Variants in KALRN observed in about 807,000 individuals in gnomAD.
The protein encoded by KALRN is kalirin RhoGEF kinase.
Under a neutral mutation model 353.7 loss-of-function variants are expected in KALRN, and 70 were observed. That is an observed-to-expected ratio of 0.20 (90% CI 0.16 to 0.24). KALRN has a LOEUF of 0.24. Ranked by LOEUF, KALRN falls within the 10% of genes least tolerant of loss-of-function variation. The pLI, the probability that KALRN is intolerant of heterozygous loss-of-function variation, is 1.00. For synonymous variants in KALRN, 1,391 were observed against 1,434.8 expected (o/e 0.97, Z 0.69); for missense variants, 2,791 against 3,756.7 (o/e 0.74, Z 6.72).
At chr3:124,179,933 A>G (rs2073342285) in intron 1 of KALRN, among the ~76,000 whole-genome samples, 1 of 152,202 alleles carries the variant, frequency 6.6e-6, no homozygotes, top group Non-Finnish European at 1.5e-5. Flanking sequence ...GTAACTGTGG[A>G]TAAGGGGGGA....
intron 24 of KALRN, 131 bp from the exon 25 acceptor site, chr3:124,462,393 C>T (rs923684218): frequency 3.2e-5 from 19 of 589,562 alleles, no homozygotes; most frequent in Admixed American, 9.8e-5. Context: ...TTACTTAACA[C>T]GTCACTTTTT....
chr3:124,578,728 C>T (rs6438846), intron 34 of KALRN, among the ~76,000 whole-genome samples: 63,073 of 149,434 alleles, frequency 0.42, 14,283 homozygotes, highest in East Asian at 0.78. Context: ...AAGATGTGCC[C>T]CTGCACTCCA....
intron 36 of KALRN, among the ~76,000 whole-genome samples, chr3:124,634,299 G>A (rs138032665): frequency 1.3e-5 from 2 of 152,296 alleles, no homozygotes; most frequent in Non-Finnish European, 2.9e-5. Flanking sequence ...TGTCGTACCT[G>A]ACTGTACAAC....
chr3:124,387,782 A>G (rs1410301568), intron 11 of KALRN, among the ~76,000 whole-genome samples: 1 of 152,154 alleles, frequency 6.6e-6, no homozygotes, highest in Non-Finnish European at 1.5e-5. Flanking sequence ...AGACATCTAC[A>G]ACTCTCTGAT....
chr3:124,699,370 T>C (rs929611947), intron 55 of KALRN, among the ~76,000 whole-genome samples: 2 of 152,248 alleles, frequency 1.3e-5, no homozygotes, highest in African/African-American at 4.8e-5. Context: ...TGGGTTTCTG[T>C]GGATTTAAGA....
intron 51 of KALRN, among the ~76,000 whole-genome samples, chr3:124,693,006 C>T (rs994184376): frequency 6.6e-6 from 1 of 152,220 alleles, no homozygotes; most frequent in African/African-American, 2.4e-5. Context: ...ACTGTGAAAT[C>T]TCCAGGGTGT....
intron 1 of KALRN, among the ~76,000 whole-genome samples, chr3:124,182,235 T>C (rs1424060946): frequency 6.6e-6 from 1 of 152,226 alleles, no homozygotes; most frequent in Non-Finnish European, 1.5e-5. Flanking sequence ...AACACACATT[T>C]ATTGTCTGAC....
chr3:124,152,161 G>A, intron 1 of KALRN: 3 of 1,462,422 alleles, frequency 2.1e-6, no homozygotes, highest in Admixed American at 1.7e-5. Context: ...TGATGCAAGA[G>A]ATCGAACAAT....
At chr3:124,433,963 T>G (rs763371157) in intron 16 of KALRN, among the ~76,000 whole-genome samples, 8 of 152,214 alleles carry the variant, frequency 5.3e-5, no homozygotes, top group Non-Finnish European at 7.3e-5. Flanking sequence ...ATTATTCTAT[T>G]TGTAAAGGAA....
chr3:124,402,476 C>G (rs920193389), intron 13 of KALRN, among the ~76,000 whole-genome samples: 8 of 152,138 alleles, frequency 5.3e-5, no homozygotes, highest in Non-Finnish European at 7.4e-5. Flanking sequence ...TCACCAAATA[C>G]AAATGTTTAT....
chr3:124,093,441 A>T (rs1177157278), intron 1 of KALRN, among the ~76,000 whole-genome samples: 4 of 152,226 alleles, frequency 2.6e-5, no homozygotes, highest in African/African-American at 9.6e-5. Context: ...GGGACTCCTC[A>T]GGTTTCATTT....
chr3:124,144,617 ATCC>A (rs1175616652), intron 1 of KALRN, among the ~76,000 whole-genome samples: 3 of 56,258 alleles, frequency 5.3e-5, no homozygotes, highest in African/African-American at 1.0e-4. Flanking sequence ...CCTCTTCCTC[ATCC>A]TCCTCCTCTT....
chr3:124,091,493 A>G (rs2061116069), intron 1 of KALRN, among the ~76,000 whole-genome samples: 1 of 152,152 alleles, frequency 6.6e-6, no homozygotes, highest in Non-Finnish European at 1.5e-5. Context: ...TGCTGGCTTT[A>G]TCTGATTGGG....
chr3:124,613,159 C>T (rs1455607787), intron 34 of KALRN, among the ~76,000 whole-genome samples: 1 of 151,788 alleles, frequency 6.6e-6, no homozygotes, highest in Non-Finnish European at 1.5e-5. Context: ...GGCCTTTGGT[C>T]CCAGATGTAT....
Position 124,724,690 on chromosome 3 carries a change from CAT to C in KALRN, c.*5222_*5223del, listed in dbSNP as rs1335784853. ...ATGTTTTTAATAGGAAATTTACTCA[CAT>C]AAAAAATTTAAGCAGAAGTAGTAGA... On this transcript the variant is annotated 3_prime_UTR_variant, in exon 60 of 60. Coordinates refer to ENST00000682506, the MANE Select transcript of KALRN (RefSeq NM_001388419.1). 5 of 152,128 alleles carry C rather than the reference CAT, an allele frequency of 3.3e-5. No homozygotes were observed. Among genetic ancestry groups the C allele is most frequent in the African/African-American group, 1.2e-4 (5 of 41,408 alleles). 9.4% of individuals were successfully genotyped at this position (152,128 alleles called of 1,614,324 possible). A position where few individuals can be genotyped will look rare whatever the true frequency, so the allele number is the denominator to read the frequency against.
In KALRN at chr3:124,633,892, C is replaced by G; in HGVS notation, c.5507C>G (p.Ser1836Ter). The change falls in exon 36 of 60, where the codon TCA (serine) becomes TGA (stop). Residue 1836 changes from serine (S) to a stop codon, truncating the protein, a stop_gained. Transcript: ENST00000682506. LOFTEE classifies it high-confidence loss of function. Reference sequence around the variant, plus strand: ...GGTGAAGATGAGCCGGATGAAGAGTCACACACACCCCTCCCACCACCTATG... The same window carrying G: ...GGTGAAGATGAGCCGGATGAAGAGTGACACACACCCCTCCCACCACCTATG... The part of the protein sequence containing the change: ...GWGEDEPDEE[S>*]HTPLPPPMKI... 1 of 1,613,978 alleles carries G rather than the reference C, an allele frequency of 6.2e-7. No homozygotes were observed. Among genetic ancestry groups the G allele is most frequent in the Non-Finnish European group, 8.5e-7 (1 of 1,179,936 alleles).
intron 1 of KALRN, chr3:124,079,957 C>A (rs2149311595): frequency 2.2e-6 from 1 of 458,360 alleles, no homozygotes; most frequent in South Asian, 1.6e-5. Flanking sequence ...GTTAAACAGT[C>A]ATAGTTCCAT....
Position 124,657,443 on chromosome 3 carries a change from T to C in KALRN, c.5863-5T>C, listed in dbSNP as rs201818983. On this transcript the variant is annotated splice_region_variant and splice_polypyrimidine_tract_variant and intron_variant, in intron 39 of 59. Transcript: ENST00000682506. The stretch of plus-strand genomic sequence containing the variant: ...TGCTACTAACCATTGCCTTTGCTGC[T>C]GCAGGGCTTCATGAAGAGAATAGAA... 3.1e-6 allele frequency: 5 copies of C among 1,608,286 alleles called. No homozygotes were observed. The highest frequency in any genetic ancestry group is 1.3e-5 in the African/African-American group (1 of 74,936).
At chr3:124,662,233 GC>G (rs1426919980) in intron 45 of KALRN, among the ~76,000 whole-genome samples, 9 of 93,854 alleles carry the variant, frequency 9.6e-5, no homozygotes, top group Non-Finnish European at 1.4e-4. Flanking sequence ...ACAGGTTCTT[GC>G]CCTGTCACCC....
Sources: gnomAD v4.1 joint callset for allele counts (sites outside exome capture counted in the v4.1 genomes callset) on GRCh38, gnomAD v4.1.1 for gene constraint, MANE v1.5 for transcripts, NCBI Gene and HGNC (gene_info 2026-07-23, HGNC 2026-07-21) for gene names.